The following RBM25 variants were observed in gnomAD, a reference collection of about 807,000 sequenced individuals.
The protein encoded by RBM25 is RNA-binding protein 25.
Under a neutral mutation model 120.7 loss-of-function variants are expected in RBM25, and 19 were observed. The observed-to-expected ratio is 0.16, with a 90% confidence interval of 0.11 to 0.23. The LOEUF (loss-of-function observed/expected upper bound fraction) is 0.23. Among genes scored for constraint, RBM25 ranks in the 10% least tolerant of loss-of-function variants. The pLI is 1.00. For synonymous variants in RBM25, 390 were observed against 326.7 expected (o/e 1.19, Z -2.09); for missense variants, 605 against 1,041.5 (o/e 0.58, Z 5.77).
intron 18 of RBM25, among the ~76,000 whole-genome samples, chr14:73,117,017 A>T (rs1896442637): frequency 1.3e-5 from 2 of 152,094 alleles, no homozygotes; most frequent in Non-Finnish European, 2.9e-5. Context: ...TATGTAAATT[A>T]AATGAAGTTT....
In RBM25 at chr14:73,121,675, A is replaced by G. The variant is rs1020457380; in HGVS notation, c.*1870A>G. On this transcript the variant is annotated 3_prime_UTR_variant, in exon 19 of 19. Transcript: ENST00000261973. ...TTAACATACTGCACTGTTCTTAAGC[A>G]TCATATTGTGTTGTTTTTATTTAGC... is the stretch of plus-strand genomic sequence containing the variant. 2 of 152,214 alleles carry G rather than the reference A, an allele frequency of 1.3e-5. No individual in the cohort carries two copies. The highest frequency in any genetic ancestry group is 4.8e-5 in the African/African-American group (2 of 41,444). 9.4% of individuals were successfully genotyped at this position (152,214 alleles called of 1,614,324 possible). A position where few individuals can be genotyped will look rare whatever the true frequency, so the allele number is the denominator to read the frequency against.
chr14:73,076,454 T>C, intron 3 of RBM25, 86 bp downstream of exon 3: 2 of 1,216,792 alleles, frequency 1.6e-6, no homozygotes, highest in Non-Finnish European at 2.4e-6. Flanking sequence ...AGATAAATTA[T>C]GAGTATTTAA....
intron 7 of RBM25, 42 bp from the exon 8 acceptor site, chr14:73,099,338 T>C (rs772346124): frequency 1.1e-4 from 168 of 1,568,070 alleles, no homozygotes; most frequent in Non-Finnish European, 1.4e-4. Flanking sequence ...ATGAGCTCTG[T>C]TTTTCTTTTT....
chr14:73,086,005 C>G (rs1400358640), intron 5 of RBM25, among the ~76,000 whole-genome samples: 3 of 151,224 alleles, frequency 2.0e-5, no homozygotes, highest in Non-Finnish European at 4.4e-5. Flanking sequence ...ACCCTGAACA[C>G]CTTTGACAGC....
At chr14:73,060,276 A>T (rs759970084) in intron 1 of RBM25, among the ~76,000 whole-genome samples, 5 of 151,314 alleles carry the variant, frequency 3.3e-5, no homozygotes, top group Non-Finnish European at 7.4e-5. Flanking sequence ...TGACCTCGTG[A>T]TCCGCCCGCC....
rs761947542 is a variant in RBM25 at position 73,111,017 on chromosome 14, T to G, written c.1879T>G (p.Ser627Ala). Residue 627 changes from serine (S) to alanine (A), a missense_variant, in exon 15 of 19, where the codon TCC becomes GCC. This residue lies in a region of RBM25 where 465 missense variants were observed against 741.6 expected (regional missense o/e 0.63). Transcript: ENST00000261973. Reference protein sequence around the residue: ...LRPISSAPSVSSASGNATPNT... With the variant: ...LRPISSAPSVASASGNATPNT... ...GCCCATCAGCTCTGCTCCATCTGTT[T>G]CCTCTGCCAGTGGCAATGCAACACC... 2.5e-6 allele frequency: 4 copies of G among 1,614,176 alleles called. No individual in the cohort carries two copies. In the Admixed American group the frequency reaches 6.7e-5, roughly 27 times the overall value.
intron 4 of RBM25, among the ~76,000 whole-genome samples, chr14:73,078,374 C>G (rs564389369): frequency 1.3e-5 from 2 of 151,902 alleles, no homozygotes; most frequent in African/African-American, 4.8e-5. Context: ...CGCCTGTAGT[C>G]CTAGCTGTTC....
chr14:73,114,544 TTTAA>T (rs1376225252), intron 18 of RBM25, among the ~76,000 whole-genome samples: 1 of 152,098 alleles, frequency 6.6e-6, no homozygotes, highest in Non-Finnish European at 1.5e-5. Flanking sequence ...TTATTAATAT[TTTAA>T]TTAACATCTA....
At chr14:73,077,283 T>G in intron 3 of RBM25, 86 bp from the exon 4 acceptor site, 1 of 1,192,794 alleles carries the variant, frequency 8.4e-7, no homozygotes, top group African/African-American at 1.5e-5. Flanking sequence ...TATATATTTA[T>G]TTAATCCTGA....
intron 1 of RBM25, chr14:73,068,381 T>C: frequency 1.5e-6 from 1 of 658,204 alleles, no homozygotes; most frequent in East Asian, 2.9e-5. Context: ...ACAATGCTTG[T>C]ATTTGATTTT....
rs1411899706 is a variant in RBM25 at position 73,120,470 on chromosome 14, G to A, written c.*665G>A. The A allele has an allele frequency of 6.6e-6, 1 of 152,606 alleles. No homozygotes were observed. The highest frequency in any genetic ancestry group is 2.4e-5 in the African/African-American group (1 of 41,438). The allele number at this position is 152,606 out of a possible 1,614,324, so 9.5% of individuals were successfully genotyped here. Reference sequence around the variant, plus strand: ...AACCTGAAATGTCTGTTATAATTAGGTTATTAGTTTCCCAGAGCATGGTGT... The same window carrying A: ...AACCTGAAATGTCTGTTATAATTAGATTATTAGTTTCCCAGAGCATGGTGT... On this transcript the variant is annotated 3_prime_UTR_variant, in exon 19 of 19. Coordinates refer to ENST00000261973, the MANE Select transcript of RBM25 (RefSeq NM_021239.3).
At position 73,120,700 on chromosome 14, in the gene RBM25, A is replaced by G. The variant is rs182800692; in HGVS notation, c.*895A>G. On this transcript the variant is annotated 3_prime_UTR_variant, in exon 19 of 19. Transcript: ENST00000261973. ...ACTAATTGGTCCTTAGTTTAATTCT[A>G]TTGTATCTGTTTATTTAACAAAAAA... is the stretch of plus-strand genomic sequence containing the variant. 1.1e-4 allele frequency: 17 copies of G among 152,296 alleles called. No homozygotes were observed. The East Asian group carries it at 1.5e-3, about 14-fold the overall frequency. The allele number at this position is 152,296 out of a possible 1,614,324, so 9.4% of individuals were successfully genotyped here.
chr14:73,092,755 T>C (rs1476052347), intron 6 of RBM25, among the ~76,000 whole-genome samples: 1 of 151,980 alleles, frequency 6.6e-6, no homozygotes, highest in East Asian at 1.9e-4. Context: ...TTTTATGAGA[T>C]GGGGTCTCGC....
At position 73,103,365 on chromosome 14, in the gene RBM25, G is replaced by C; in HGVS notation, c.1041G>C (p.Arg347=). The change falls in exon 10 of 19, where the codon CGG becomes CGC. Residue 347 remains arginine, a synonymous_variant. Coordinates refer to ENST00000261973, the MANE Select transcript of RBM25 (RefSeq NM_021239.3). ...KEKERERERE[R]DRDRDRTKER... ...AAGAACGGGAGCGGGAACGAGAACGGGATAGGGACCGTGACCGGACAAAAG... is the reference window on the plus strand; with the variant it reads ...AAGAACGGGAGCGGGAACGAGAACGCGATAGGGACCGTGACCGGACAAAAG... 1 of 1,608,834 alleles carries C rather than the reference G, an allele frequency of 6.2e-7. No homozygotes were observed. Among genetic ancestry groups the C allele is most frequent in the Non-Finnish European group, 8.5e-7 (1 of 1,177,358 alleles).
chr14:73,118,480 A>G (rs80105022), intron 18 of RBM25, among the ~76,000 whole-genome samples: 2,461 of 140,016 alleles, frequency 0.018, 73 homozygotes, highest in African/African-American at 0.061. Flanking sequence ...CTGTCTCCAG[A>G]AAAAAAAAAA....
At chr14:73,061,483 TC>T in intron 1 of RBM25, among the ~76,000 whole-genome samples, 1 of 151,464 alleles carries the variant, frequency 6.6e-6, no homozygotes, top group Non-Finnish European at 1.5e-5. Context: ...AAGGATTCCT[TC>T]TGTCTGTTTG....
intron 1 of RBM25, among the ~76,000 whole-genome samples, chr14:73,069,461 T>C (rs1210545119): frequency 1.3e-5 from 2 of 152,148 alleles, no homozygotes; most frequent in Non-Finnish European, 2.9e-5. Flanking sequence ...GTTTGTTTTT[T>C]GAGATGGAAT....
chr14:73,103,662 C>T (rs923730540), intron 10 of RBM25, among the ~76,000 whole-genome samples, 184 bp downstream of exon 10: 1 of 152,124 alleles, frequency 6.6e-6, no homozygotes, highest in African/African-American at 2.4e-5. Context: ...AAGTGATTCT[C>T]ATTCCTCAGC....
chr14:73,100,172 TTTAAG>T (rs1333435231), intron 9 of RBM25: 5 of 525,098 alleles, frequency 9.5e-6, no homozygotes, highest in African/African-American at 7.7e-5. Flanking sequence ...TTTGTATAGA[TTTAAG>T]TTGAGTGGGG....
Sources: allele counts gnomAD v4.1 joint callset (sites outside exome capture counted in the v4.1 genomes callset), GRCh38; gene constraint gnomAD v4.1.1; regional missense constraint gnomAD v4.1.1; transcripts MANE v1.5; gene names NCBI Gene and HGNC (gene_info 2026-07-23, HGNC 2026-07-21).